VPS35L: variants seen among roughly 807,000 people sequenced by gnomAD.
VPS35L encodes the protein VPS35 endosomal protein sorting factor like, also known as VPS35 endosomal protein-sorting factor-like.
A neutral mutation model predicts 133.0 loss-of-function variants in VPS35L; 83 were observed. That is an observed-to-expected ratio of 0.62 (90% confidence interval 0.52 to 0.75). The LOEUF is 0.75. Ranked by LOEUF, VPS35L falls within the 30% of genes least tolerant of loss-of-function variation. The pLI, the probability that VPS35L is intolerant of heterozygous loss-of-function variation, is 0.00. For missense variants in VPS35L, 1,083 were observed against 1,206.8 expected (o/e 0.90, Z 1.52); for synonymous variants, 423 against 449.9 (o/e 0.94, Z 0.76).
intron 9 of VPS35L, 83 bp from the exon 10 acceptor site, chr16:19,608,095 C>G (rs1972590700): frequency 1.0e-6 from 1 of 994,440 alleles, no homozygotes; most frequent in South Asian, 1.3e-5. Flanking sequence ...CTTTTCTGCT[C>G]CAGGGTAATG....
chr16:19,694,212 A>G (rs988807030), intron 29 of VPS35L: 2 of 152,206 alleles, frequency 1.3e-5, no homozygotes, highest in African/African-American at 2.4e-5. Flanking sequence ...ATACACACAA[A>G]TATTATGTAT....
At chr16:19,621,012 TC>T (rs1300365045) in intron 14 of VPS35L, among the ~76,000 whole-genome samples, 1 of 151,884 alleles carries the variant, frequency 6.6e-6, no homozygotes, top group African/African-American at 2.4e-5. Flanking sequence ...AAAACAGACA[TC>T]TGTCAGTTAG....
At chr16:19,600,340 C>A (rs17326483) in intron 8 of VPS35L, among the ~76,000 whole-genome samples, 4 of 151,666 alleles carry the variant, frequency 2.6e-5, no homozygotes, top group Non-Finnish European at 5.9e-5. Context: ...AATAAGGACT[C>A]TAATTTTTTA....
intron 5 of VPS35L, 25 bp from the exon 6 acceptor site, chr16:19,579,027 T>C (rs372362353): frequency 1.2e-6 from 2 of 1,611,552 alleles, no homozygotes; most frequent in Non-Finnish European, 1.7e-6. Flanking sequence ...AAGCCACCTG[T>C]GTGACGTAAA....
intron 8 of VPS35L, among the ~76,000 whole-genome samples, chr16:19,597,880 C>T (rs1214055545): frequency 3.3e-5 from 5 of 152,144 alleles, no homozygotes; most frequent in Non-Finnish European, 5.9e-5. Flanking sequence ...CATTACTCTG[C>T]TCTAAAAGAA....
intron 23 of VPS35L, among the ~76,000 whole-genome samples, chr16:19,647,555 G>A (rs1156277980): frequency 2.6e-5 from 4 of 152,206 alleles, no homozygotes; most frequent in Non-Finnish European, 5.9e-5. Context: ...AAAGGCCACA[G>A]CTGACAAACA....
At chr16:19,596,070 A>G (rs8064133) in intron 8 of VPS35L, among the ~76,000 whole-genome samples, 4,775 of 152,080 alleles carry the variant, frequency 0.031, 252 homozygotes, top group African/African-American at 0.11. Flanking sequence ...AAAAGATATT[A>G]AGTCCCATAA....
At chr16:19,577,871 A>C (rs1971584458) in intron 5 of VPS35L, among the ~76,000 whole-genome samples, 1 of 152,214 alleles carries the variant, frequency 6.6e-6, no homozygotes, top group African/African-American at 2.4e-5. Context: ...ACTGGGACCT[A>C]ATCTGCTGGG....
intron 23 of VPS35L, among the ~76,000 whole-genome samples, chr16:19,645,809 G>C (rs1256422308): frequency 6.6e-6 from 1 of 152,234 alleles, no homozygotes; most frequent in Non-Finnish European, 1.5e-5. Context: ...AAGAAGGTGT[G>C]TCCTGAAGCA....
intron 27 of VPS35L, among the ~76,000 whole-genome samples, chr16:19,678,629 C>T (rs1975146493): frequency 6.6e-6 from 1 of 152,016 alleles, no homozygotes; most frequent in Non-Finnish European, 1.5e-5. Flanking sequence ...AGGCACGTGC[C>T]ACCATGCCCA....
intron 29 of VPS35L, among the ~76,000 whole-genome samples, chr16:19,695,295 A>G (rs546441291): frequency 2.0e-5 from 3 of 152,388 alleles, no homozygotes; most frequent in African/African-American, 7.2e-5. Context: ...ATAAATGATC[A>G]TAGCCCAGAA....
rs193186740 is a variant in VPS35L at position 19,699,732 on chromosome 16, A to G, written c.2793+84A>G. On this transcript the variant is annotated intron_variant, in intron 30 of 30. Transcript: ENST00000417362. This position sits in a 1 kb window ranked among gnomAD's most constrained non-coding sequence, Gnocchi z 4.2. ...AACACAGCATTGTGGCCTGGACATC[A>G]GACAGACAACCCCATACTCCCCTTT... is the stretch of plus-strand genomic sequence containing the variant. 3 of 1,547,448 alleles carry G rather than the reference A, an allele frequency of 1.9e-6. No individual in the cohort carries two copies. The Admixed American group carries it at 5.1e-5, about 26-fold the overall frequency.
At chr16:19,632,477 A>G in intron 18 of VPS35L, among the ~76,000 whole-genome samples, 1 of 152,146 alleles carries the variant, frequency 6.6e-6, no homozygotes, top group African/African-American at 2.4e-5. Flanking sequence ...TGTTGAAGAA[A>G]TTGGGTCTTT....
intron 26 of VPS35L, among the ~76,000 whole-genome samples, chr16:19,653,576 C>T (rs1252281979): frequency 2.0e-5 from 3 of 152,236 alleles, no homozygotes; most frequent in African/African-American, 7.2e-5. Context: ...GCCCCTTCAC[C>T]ACTGCATTGA....
At chr16:19,586,425 C>G (rs187858923) in intron 7 of VPS35L, among the ~76,000 whole-genome samples, 1 of 152,050 alleles carries the variant, frequency 6.6e-6, no homozygotes, top group Non-Finnish European at 1.5e-5. Context: ...CTGCAACCTC[C>G]GCTTCCTGGG....
At chr16:19,670,273 G>C (rs1246275320) in intron 27 of VPS35L, among the ~76,000 whole-genome samples, 1 of 152,214 alleles carries the variant, frequency 6.6e-6, no homozygotes, top group East Asian at 1.9e-4. Context: ...TTTGCAGGGG[G>C]ATACAAATAT....
intron 13 of VPS35L, 105 bp from the exon 14 acceptor site, chr16:19,616,581 G>A: frequency 1.4e-5 from 19 of 1,403,168 alleles, no homozygotes; most frequent in Non-Finnish European, 1.8e-5. Flanking sequence ...TTCTCTCAGG[G>A]CTGTCCACAT....
chr16:19,655,000 C>T (rs1263283684), intron 26 of VPS35L, among the ~76,000 whole-genome samples: 1 of 152,176 alleles, frequency 6.6e-6, no homozygotes, highest in African/African-American at 2.4e-5. Context: ...TCCCCCTTAT[C>T]AAAGATTTGG....
At chr16:19,656,558 C>T (rs187957860) in intron 26 of VPS35L, among the ~76,000 whole-genome samples, 2 of 151,726 alleles carry the variant, frequency 1.3e-5, no homozygotes, top group African/African-American at 2.4e-5. Flanking sequence ...AAGCCAGGTG[C>T]TCTTGGATGA....
Sources: allele counts gnomAD v4.1 joint callset (sites outside exome capture counted in the v4.1 genomes callset), GRCh38; gene constraint gnomAD v4.1.1; non-coding constraint Gnocchi (gnomAD v3.1); transcripts MANE v1.5; gene names NCBI Gene and HGNC (gene_info 2026-07-23, HGNC 2026-07-21).